Variants in BFSP2 observed in about 807,000 individuals in gnomAD.
BFSP2 encodes phakinin.
A neutral mutation model predicts 44.9 loss-of-function variants in BFSP2; 38 were observed. The observed-to-expected ratio is 0.85, with a 90% confidence interval of 0.65 to 1.11. The LOEUF (loss-of-function observed/expected upper bound fraction) is 1.11, where lower values mean the gene tolerates loss of function less well. BFSP2 is among the 50% of genes least tolerant of loss of function. The pLI, the probability that BFSP2 is intolerant of heterozygous loss-of-function variation, is 0.00. For missense variants in BFSP2, 525 were observed against 533.0 expected (o/e 0.99, Z 0.15); for synonymous variants, 197 against 209.9 (o/e 0.94, Z 0.53).
chr3:133,463,401 C>A (rs951328657), intron 4 of BFSP2, among the ~76,000 whole-genome samples: 1 of 152,140 alleles, frequency 6.6e-6, no homozygotes, highest in African/African-American at 2.4e-5. Flanking sequence ...AAGACAAGTG[C>A]GCAGTTTGAC....
At chr3:133,448,737 T>C (rs1559975314) in intron 3 of BFSP2, 92 bp downstream of exon 3, 1 of 1,500,128 alleles carries the variant, frequency 6.7e-7, no homozygotes, top group East Asian at 2.3e-5. Flanking sequence ...AGTAGCTCAT[T>C]TCTGACTCTC....
chr3:133,454,988 A>G (rs2074000673), intron 4 of BFSP2, among the ~76,000 whole-genome samples: 1 of 152,144 alleles, frequency 6.6e-6, no homozygotes, highest in Non-Finnish European at 1.5e-5. Context: ...ACTGTCTTCC[A>G]CCTCCACATC....
intron 4 of BFSP2, among the ~76,000 whole-genome samples, chr3:133,454,278 C>T (rs184878289): frequency 2.0e-4 from 30 of 152,274 alleles, no homozygotes; most frequent in Admixed American, 1.8e-3. Context: ...TATGATCATG[C>T]CTATGGATAG....
At chr3:133,418,145 C>T (rs938144420) in intron 1 of BFSP2, among the ~76,000 whole-genome samples, 15 of 151,692 alleles carry the variant, frequency 9.9e-5, no homozygotes, top group African/African-American at 3.4e-4. Flanking sequence ...CTCCCCTCTA[C>T]TCACCCCTGT....
rs754287032 is a variant in BFSP2 at position 133,448,599 on chromosome 3, A to C, written c.683A>C (p.Glu228Ala). The C allele has an allele frequency of 6.2e-7, 1 of 1,614,098 alleles. No homozygotes were observed. Residue 228 changes from glutamate to alanine, a missense_variant, in exon 3 of 7, where the codon GAA (glutamate) becomes GCA (alanine). Transcript: ENST00000302334. ...AAAATGGACCTGGAGAGTCAAATAGAAAGTCTGAAAGAAGAACTTGGCTCT... is the reference window on the plus strand; with the variant it reads ...AAAATGGACCTGGAGAGTCAAATAGCAAGTCTGAAAGAAGAACTTGGCTCT... ...LTKMDLESQI[E>A]SLKEELGSLS...
At chr3:133,460,893 G>A (rs778149384) in intron 4 of BFSP2, among the ~76,000 whole-genome samples, 1 of 152,230 alleles carries the variant, frequency 6.6e-6, no homozygotes, top group Non-Finnish European at 1.5e-5. Context: ...AAACCAGAGT[G>A]CTCGAGTGAC....
intron 1 of BFSP2, among the ~76,000 whole-genome samples, chr3:133,424,200 C>G (rs2073620521): frequency 1.3e-5 from 1 of 77,412 alleles, no homozygotes; most frequent in African/African-American, 3.7e-5. Flanking sequence ...CGCCTACCAC[C>G]GCGTCCAGCT....
chr3:133,442,792 T>C (rs2073857673), intron 1 of BFSP2, among the ~76,000 whole-genome samples: 1 of 151,690 alleles, frequency 6.6e-6, no homozygotes, highest in African/African-American at 2.4e-5. Context: ...ATTGGGGTTG[T>C]TTACTGAGAT....
At chr3:133,403,545 G>A (rs1161987450) in intron 1 of BFSP2, among the ~76,000 whole-genome samples, 1 of 152,212 alleles carries the variant, frequency 6.6e-6, no homozygotes, top group Non-Finnish European at 1.5e-5. Flanking sequence ...ATCCAAGAGA[G>A]ACCTCAGTCA....
At chr3:133,421,020 T>G (rs909525171) in intron 1 of BFSP2, among the ~76,000 whole-genome samples, 8 of 152,182 alleles carry the variant, frequency 5.3e-5, no homozygotes, top group African/African-American at 1.7e-4. Flanking sequence ...GGGAGAATAA[T>G]CCCTGTTTCA....
chr3:133,445,158 C>T (rs543441155), intron 1 of BFSP2, among the ~76,000 whole-genome samples: 1 of 152,146 alleles, frequency 6.6e-6, no homozygotes, highest in Non-Finnish European at 1.5e-5. Context: ...ATGGGGAAGC[C>T]GTGTTTGAAA....
intron 1 of BFSP2, among the ~76,000 whole-genome samples, chr3:133,403,385 T>C (rs1389920011): frequency 6.6e-6 from 1 of 152,140 alleles, no homozygotes; most frequent in Non-Finnish European, 1.5e-5. Flanking sequence ...GAACTCCTCC[T>C]GGTCCTGCAG....
At chr3:133,402,031 A>C (rs2073366570) in intron 1 of BFSP2, among the ~76,000 whole-genome samples, 1 of 152,110 alleles carries the variant, frequency 6.6e-6, no homozygotes, top group Non-Finnish European at 1.5e-5. Context: ...CAGGGCCTTA[A>C]CGCCTGTCAA....
chr3:133,426,633 C>T (rs142514580), intron 1 of BFSP2, among the ~76,000 whole-genome samples: 111 of 152,334 alleles, frequency 7.3e-4, no homozygotes, highest in African/African-American at 2.5e-3. Context: ...ATCAAACTTC[C>T]ATCTTGATTC....
intron 4 of BFSP2, among the ~76,000 whole-genome samples, chr3:133,451,489 G>A (rs1309915147): frequency 6.6e-6 from 1 of 152,174 alleles, no homozygotes; most frequent in Non-Finnish European, 1.5e-5. Context: ...GTAGCCAATA[G>A]GTAGCTAATG....
At chr3:133,450,968 G>A (rs1032510317) in intron 4 of BFSP2, among the ~76,000 whole-genome samples, 7 of 152,102 alleles carry the variant, frequency 4.6e-5, no homozygotes, top group Non-Finnish European at 5.9e-5. Context: ...AAAATTAGCC[G>A]GACGCATTGG....
intron 1 of BFSP2, among the ~76,000 whole-genome samples, chr3:133,411,474 C>A (rs972443204): frequency 2.6e-5 from 4 of 152,034 alleles, no homozygotes; most frequent in Non-Finnish European, 4.4e-5. Flanking sequence ...AAAATGCGAC[C>A]AGCAGCCGTT....
chr3:133,408,183 G>A (rs182886588), intron 1 of BFSP2, among the ~76,000 whole-genome samples: 2 of 151,212 alleles, frequency 1.3e-5, no homozygotes, highest in African/African-American at 4.9e-5. Flanking sequence ...AAAAAAAGCC[G>A]ATAGCACTCT....
intron 4 of BFSP2, among the ~76,000 whole-genome samples, chr3:133,457,884 C>A (rs1014261429): frequency 6.6e-6 from 1 of 152,192 alleles, no homozygotes; most frequent in African/African-American, 2.4e-5. Flanking sequence ...TTTGTTTAGC[C>A]TGTTCCCTAC....
Sources: allele counts gnomAD v4.1 joint callset (sites outside exome capture counted in the v4.1 genomes callset), GRCh38; gene constraint gnomAD v4.1.1; transcripts MANE v1.5; gene names NCBI Gene and HGNC (gene_info 2026-07-23, HGNC 2026-07-21).